Variants in SYNJ2 observed in about 807,000 individuals in gnomAD.
SYNJ2 encodes polyphosphatidylinositol phosphatase SYNJ2.
Under a neutral mutation model 141.3 loss-of-function variants are expected in SYNJ2, and 116 were observed. The observed-to-expected ratio is 0.82, with a 90% CI of 0.71 to 0.96. The LOEUF (loss-of-function observed/expected upper bound fraction) is 0.96. Among genes scored for constraint, SYNJ2 ranks in the 40% least tolerant of loss-of-function variants. The pLI, the probability that SYNJ2 is intolerant of heterozygous loss-of-function variation, is 0.00. For synonymous variants in SYNJ2, 745 were observed against 777.7 expected (o/e 0.96, Z 0.70); for missense variants, 1,873 against 1,934.8 (o/e 0.97, Z 0.60).
intron 12 of SYNJ2, chr6:158,067,990 G>T: frequency 1.0e-6 from 1 of 985,156 alleles, no homozygotes; most frequent in Non-Finnish European, 1.2e-6. Context: ...TAGCAAGCTG[G>T]CTGGTATTTT....
At chr6:158,068,472 A>G (rs1307586615) in intron 12 of SYNJ2, among the ~76,000 whole-genome samples, 175 bp from the exon 13 acceptor site, 1 of 152,258 alleles carries the variant, frequency 6.6e-6, no homozygotes, top group African/African-American at 2.4e-5. Flanking sequence ...CATTTAAGCC[A>G]GGCATTTCTG....
intron 6 of SYNJ2, among the ~76,000 whole-genome samples, chr6:158,057,284 C>T (rs1180562326): frequency 1.3e-5 from 2 of 152,118 alleles, no homozygotes; most frequent in Admixed American, 6.5e-5. Context: ...CGTATGATGC[C>T]GACCTTGCTG....
At chr6:158,030,550 T>G (rs929578279) in intron 3 of SYNJ2, 1 of 152,640 alleles carries the variant, frequency 6.6e-6, no homozygotes, top group African/African-American at 2.4e-5. Context: ...TTTGGTTCTC[T>G]GGTATTGTGG....
intron 1 of SYNJ2, among the ~76,000 whole-genome samples, chr6:158,011,539 T>C (rs1778270585): frequency 6.6e-6 from 1 of 152,224 alleles, no homozygotes; most frequent in South Asian, 2.1e-4. Context: ...AAGGTGGTCC[T>C]GTTGGGTTTT....
chr6:157,986,293 G>A (rs73792024), intron 1 of SYNJ2, among the ~76,000 whole-genome samples: 4,106 of 152,256 alleles, frequency 0.027, 188 homozygotes, highest in African/African-American at 0.094. Flanking sequence ...CTGTCTCAGC[G>A]TAGTGTTTAC....
Position 158,005,598 on chromosome 6 carries a change from G to A in SYNJ2, c.128-11606G>A, listed in dbSNP as rs555488216. On this transcript the variant is annotated intron_variant, in intron 1 of 26. Transcript: ENST00000355585. ...CCACGCCTGCACCAGCCGCTGTGCA[G>A]TAGAAGTTTCTGGAGATGCCCCACT... Among the ~76,000 whole-genome samples the A allele has an allele frequency of 2.7e-4, 41 of 151,374 alleles. 1 individual carries two copies. The highest frequency in any genetic ancestry group is 6.8e-3 in the Middle Eastern group (2 of 294).
chr6:157,993,200 C>A (rs1160684617), intron 1 of SYNJ2, among the ~76,000 whole-genome samples: 1 of 152,048 alleles, frequency 6.6e-6, no homozygotes, highest in Admixed American at 6.6e-5. Context: ...TTTGTTATTG[C>A]CTGACTTTTG....
At chr6:158,026,444 C>A (rs1266551937) in intron 2 of SYNJ2, among the ~76,000 whole-genome samples, 2 of 152,166 alleles carry the variant, frequency 1.3e-5, no homozygotes, top group East Asian at 3.8e-4. Flanking sequence ...GAGTCCGCGC[C>A]TGTACAGCTC....
chr6:158,088,034 ATTTTTTTTTTTTTTTTTTTTTTTTTTT>A (rs568222551), intron 23 of SYNJ2, among the ~76,000 whole-genome samples: 3 of 31,868 alleles, frequency 9.4e-5, no homozygotes, highest in East Asian at 1.7e-3. Flanking sequence ...CTGCTTTGGA[ATTTTTTTTTTTTTTTTTTTTTTTTTTT>A]TTTTTTTTTT....
intron 1 of SYNJ2, among the ~76,000 whole-genome samples, chr6:158,005,981 C>T (rs903248579): frequency 3.3e-5 from 5 of 152,170 alleles, no homozygotes; most frequent in Non-Finnish European, 5.9e-5. Flanking sequence ...GCATGGCTTT[C>T]GGAGCTCCCT....
chr6:158,053,628 A>G (rs1780690140), intron 5 of SYNJ2, among the ~76,000 whole-genome samples: 1 of 151,052 alleles, frequency 6.6e-6, no homozygotes, highest in Non-Finnish European at 1.5e-5. Context: ...CTACCCACCC[A>G]TCCACCTATC....
chr6:158,044,246 G>A (rs577175751), intron 5 of SYNJ2, among the ~76,000 whole-genome samples: 125 of 152,334 alleles, frequency 8.2e-4, no homozygotes, highest in African/African-American at 2.7e-3. Flanking sequence ...GTTCCAGGGG[G>A]TGTTTGACAA....
At chr6:158,068,830 G>A (rs1781728836) in intron 13 of SYNJ2, 102 bp downstream of exon 13, 4 of 1,309,468 alleles carry the variant, frequency 3.1e-6, no homozygotes, top group Admixed American at 1.8e-5. Flanking sequence ...CTGCTTCTGA[G>A]CCAGCTAAGC....
chr6:158,032,878 T>C (rs1375858786), intron 3 of SYNJ2, among the ~76,000 whole-genome samples: 3 of 152,256 alleles, frequency 2.0e-5, no homozygotes, highest in Non-Finnish European at 4.4e-5. Flanking sequence ...TGAACTTTCA[T>C]TACATTTTAT....
chr6:158,081,357 C>T, intron 19 of SYNJ2, 30 bp downstream of exon 19: 2 of 1,613,604 alleles, frequency 1.2e-6, no homozygotes, highest in Non-Finnish European at 1.7e-6. Context: ...ATGTGGGTTC[C>T]AGGGGATGTC....
intron 12 of SYNJ2, 48 bp downstream of exon 12, chr6:158,066,683 T>C (rs1781587327): frequency 6.3e-7 from 1 of 1,596,430 alleles, no homozygotes. Context: ...GCACCTAACC[T>C]GACATGTCAC....
rs1258959156 is a variant in SYNJ2, at chr6:158,071,619, C to G, written c.1958C>G (p.Thr653Arg). Residue 653 changes from threonine (T) to arginine (R), a missense_variant, in exon 15 of 27, where the codon ACA becomes AGA. Transcript: ENST00000355585. This position sits in a 1 kb window ranked among gnomAD's most constrained non-coding sequence, Gnocchi z 4.3. The part of the protein sequence containing the change: ...VPFIRDVAID[T>R]VKTGMGGKAG... ...TGTTCCAGGGACGTAGCCATCGACA[C>G]AGTGAAGACGGGCATGGGGGGCAAG... 5 of 1,613,990 alleles carry G rather than the reference C, an allele frequency of 3.1e-6. No individual in the cohort carries two copies. In the South Asian group the frequency reaches 3.3e-5, roughly 11 times the overall value.
intron 4 of SYNJ2, among the ~76,000 whole-genome samples, chr6:158,038,989 C>T (rs1165105452): frequency 6.6e-6 from 1 of 152,174 alleles, no homozygotes; most frequent in African/African-American, 2.4e-5. Flanking sequence ...GGTGGGGGGT[C>T]AGCATTCCTC....
chr6:158,016,538 G>A (rs373601270), intron 1 of SYNJ2, among the ~76,000 whole-genome samples: 2 of 152,262 alleles, frequency 1.3e-5, no homozygotes, highest in East Asian at 1.9e-4. Flanking sequence ...CTGAGAAGGG[G>A]TCTAAAGGCC....
Sources: allele counts gnomAD v4.1 joint callset (sites outside exome capture counted in the v4.1 genomes callset), GRCh38; gene constraint gnomAD v4.1.1; non-coding constraint Gnocchi (gnomAD v3.1); transcripts MANE v1.5; gene names NCBI Gene and HGNC (gene_info 2026-07-23, HGNC 2026-07-21).